Variants in IRAG2 observed in about 807,000 individuals in gnomAD.
IRAG2 encodes the protein inositol 1,4,5-triphosphate receptor associated 2.
In IRAG2, 45 loss-of-function variants were observed where a neutral mutation model predicts 69.9. The ratio of observed to expected loss-of-function variants is 0.64; its 90% CI spans 0.51 to 0.83. The LOEUF (loss-of-function observed/expected upper bound fraction) is 0.83, where lower values mean the gene tolerates loss of function less well. IRAG2 is among the 40% of genes least tolerant of loss of function. The probability of loss-of-function intolerance (pLI) is 0.00; values close to 1 mark genes in which losing one functional copy is unlikely to be tolerated. For missense variants in IRAG2, 520 were observed against 587.0 expected (o/e 0.89, Z 1.18); for synonymous variants, 193 against 202.4 (o/e 0.95, Z 0.40).
chr12:25,063,575 G>A (rs971138857), intron 3 of IRAG2, 145 bp from the exon 4 acceptor site: 22 of 394,312 alleles, frequency 5.6e-5, no homozygotes, highest in African/African-American at 4.5e-4. Context: ...TTTTTTACTT[G>A]ACAGAATTTA....
intron 6 of IRAG2, among the ~76,000 whole-genome samples, chr12:25,072,352 G>A (rs1422189693): frequency 6.6e-6 from 1 of 152,118 alleles, no homozygotes; most frequent in East Asian, 1.9e-4. Flanking sequence ...TTAGTCTGTT[G>A]GCTGCACCTT....
intron 10 of IRAG2, among the ~76,000 whole-genome samples, chr12:25,086,275 GT>G: frequency 8.2e-6 from 1 of 122,082 alleles, no homozygotes; most frequent in Middle Eastern, 4.1e-3. Flanking sequence ...ATGATGACAT[GT>G]CACGGGTATG....
At chr12:25,078,417 C>A (rs1479431533) in intron 6 of IRAG2, among the ~76,000 whole-genome samples, 1 of 152,138 alleles carries the variant, frequency 6.6e-6, no homozygotes, top group Non-Finnish European at 1.5e-5. Flanking sequence ...TTAGTAAGTT[C>A]TGATTATGGA....
At chr12:25,079,185 C>T (rs771637452) in intron 6 of IRAG2, 59 bp from the exon 7 acceptor site, 32 of 1,558,498 alleles carry the variant, frequency 2.1e-5, no homozygotes, top group Non-Finnish European at 2.7e-5. Context: ...TTAAAACAAC[C>T]TCTTTGGAAT....
exon 6 of IRAG2, chr12:25,017,134 A>C: frequency 2.4e-6 from 3 of 1,231,992 alleles, no homozygotes; most frequent in Non-Finnish European, 2.0e-6. Flanking sequence ...TTACTTGCAG[A>C]GAGGTGTCTG....
chr12:25,079,828 T>A, intron 9 of IRAG2, 65 bp downstream of exon 9: 1 of 972,452 alleles, frequency 1.0e-6, no homozygotes. Context: ...TATAAGCTAG[T>A]GAAGTAACTA....
chr12:25,090,852 A>G (rs1948000066), intron 14 of IRAG2: 1 of 454,438 alleles, frequency 2.2e-6, no homozygotes, highest in Non-Finnish European at 4.4e-6. Flanking sequence ...GAGCAATAGG[A>G]AATATCAATT....
At chr12:25,098,757 A>G (rs1948576407) in intron 15 of IRAG2, among the ~76,000 whole-genome samples, 1 of 152,102 alleles carries the variant, frequency 6.6e-6, no homozygotes, top group South Asian at 2.1e-4. Context: ...TTTACAGCAA[A>G]CCTCGACAGA....
At chr12:25,086,629 A>G (rs538796788) in intron 10 of IRAG2, among the ~76,000 whole-genome samples, 1 of 152,164 alleles carries the variant, frequency 6.6e-6, no homozygotes, top group Non-Finnish European at 1.5e-5. Context: ...TATCTACTAG[A>G]GAAGGCAGAG....
chr12:25,082,161 C>T (rs1453867911), intron 9 of IRAG2, among the ~76,000 whole-genome samples: 1 of 152,034 alleles, frequency 6.6e-6, no homozygotes, highest in Non-Finnish European at 1.5e-5. Context: ...GAAAGCTAGA[C>T]AAAATTTAAT....
At chr12:25,016,300 T>C (rs1416008402) in intron 5 of IRAG2, among the ~76,000 whole-genome samples, 6 of 151,932 alleles carry the variant, frequency 3.9e-5, no homozygotes, top group African/African-American at 1.5e-4. Context: ...AAACACACAG[T>C]CCAGAATCTT....
chr12:25,104,745 T>C (rs1432882300), intron 20 of IRAG2, among the ~76,000 whole-genome samples: 1 of 152,160 alleles, frequency 6.6e-6, no homozygotes, highest in East Asian at 1.9e-4. Flanking sequence ...CAGGTGTCTG[T>C]CTACAATGGG....
At position 25,104,077 on chromosome 12, in the gene IRAG2, T is replaced by C. The variant is rs761541705; in HGVS notation, c.1046+19T>C. The stretch of plus-strand genomic sequence containing the variant: ...GCAGTTGGTAAGTGTAATTTTATGG[T>C]TCCTCTTTGGGAACCTTACTATTTT... On this transcript the variant is annotated intron_variant, in intron 19 of 21. Transcript: ENST00000556887. 1 of 1,610,334 alleles carries C rather than the reference T, an allele frequency of 6.2e-7. No homozygotes were observed. The highest frequency in any genetic ancestry group is 2.2e-5 in the East Asian group (1 of 44,762).
chr12:24,998,763 A>G, the IRAG2 span, among the ~76,000 whole-genome samples: 2 of 152,158 alleles, frequency 1.3e-5, no homozygotes, highest in African/African-American at 4.8e-5. Flanking sequence ...ATCATGAATG[A>G]TTGACTGGCT....
rs1019119328 is a variant in IRAG2, at chr12:25,025,353, G to A, written c.1383+1432G>A. On this transcript the variant is annotated intron_variant, in intron 8 of 38. Coordinates refer to the IRAG2 transcript ENST00000636465. ...CAGGCAGAAGAAATAGCTGAAAATC[G>A]TGAGGCTGCAGCCTGCCTGCTATTT... Among the ~76,000 whole-genome samples the A allele has an allele frequency of 2.7e-4, 41 of 152,320 alleles. 2 individuals carry two copies. Among genetic ancestry groups the A allele is most frequent in the South Asian group, 1.0e-3 (5 of 4,828 alleles).
intron 13 of IRAG2, 105 bp from the exon 14 acceptor site, chr12:25,089,951 TG>T (rs1565578130): frequency 1.5e-6 from 2 of 1,345,506 alleles, no homozygotes; most frequent in Non-Finnish European, 2.1e-6. Flanking sequence ...ATTATGTTGC[TG>T]GGGGGAGAAA....
intron 3 of IRAG2, among the ~76,000 whole-genome samples, chr12:25,012,549 A>C (rs905398913): frequency 1.3e-5 from 2 of 151,808 alleles, no homozygotes; most frequent in Admixed American, 6.6e-5. Flanking sequence ...AAATGTTGAC[A>C]GGGCGCGATG....
chr12:25,082,745 A>G (rs768653036), intron 9 of IRAG2, among the ~76,000 whole-genome samples: 1 of 152,232 alleles, frequency 6.6e-6, no homozygotes, highest in Non-Finnish European at 1.5e-5. Context: ...CAAATATAAT[A>G]CACGCTTTAA....
intron 15 of IRAG2, chr12:25,097,394 CAT>C (rs1415986458): frequency 6.2e-6 from 1 of 160,426 alleles, no homozygotes; most frequent in South Asian, 2.0e-4. Flanking sequence ...TATATACTCA[CAT>C]GTCACCATTT....
Sources: allele counts gnomAD v4.1 joint callset (sites outside exome capture counted in the v4.1 genomes callset), GRCh38; gene constraint gnomAD v4.1.1; transcripts MANE v1.5; gene names NCBI Gene and HGNC (gene_info 2026-07-23, HGNC 2026-07-21).